The following PNPLA6 variants were observed in gnomAD, a reference collection of about 807,000 sequenced individuals.
PNPLA6 encodes patatin-like phospholipase domain-containing protein 6.
In PNPLA6, 105 loss-of-function variants were observed where a neutral mutation model predicts 153.7. That is an observed-to-expected ratio of 0.68 (90% CI 0.58 to 0.80). PNPLA6 has a LOEUF of 0.80. PNPLA6 is among the 30% of genes least tolerant of loss of function. The pLI is 0.00. For missense variants in PNPLA6, 1,423 were observed against 1,919.3 expected, an observed-to-expected ratio of 0.74 and a Z score of 4.83; for synonymous variants, 825 against 822.2, an observed-to-expected ratio of 1.00 and a Z score of -0.06.
intron 13 of PNPLA6, 128 bp downstream of exon 13, chr19:7,543,212 C>G (rs1051281623): frequency 2.4e-6 from 2 of 850,074 alleles, no homozygotes; most frequent in Non-Finnish European, 2.0e-6. Context: ...CTCTCTCATC[C>G]TATCATTTCC....
In PNPLA6 at chr19:7,555,282, G is replaced by A; in HGVS notation, c.2851G>A (p.Ala951Thr). 6.3e-7 allele frequency: 1 copy of A among 1,595,768 alleles called. No individual in the cohort carries two copies. The highest frequency in any genetic ancestry group is 8.5e-7 in the Non-Finnish European group (1 of 1,171,242). The change falls in exon 23 of 32, where the codon GCG (alanine) becomes ACG (threonine). Residue 951 changes from alanine (A) to threonine (T), a missense_variant. Coordinates refer to ENST00000600737, the MANE Select transcript of PNPLA6 (RefSeq NM_001166114.2). This position sits in a 1 kb window ranked among gnomAD's most constrained non-coding sequence, Gnocchi z 6.3. ...ELYEKVFSRRADRHSDFSRLA... is the reference protein window; with the variant it reads ...ELYEKVFSRRTDRHSDFSRLA... Reference sequence around the variant, plus strand: ...CTACGAGAAGGTTTTCTCCAGGCGCGCGGACCGGCACAGCGACTTCTCCCG... The same window carrying A: ...CTACGAGAAGGTTTTCTCCAGGCGCACGGACCGGCACAGCGACTTCTCCCG...
intron 13 of PNPLA6, among the ~76,000 whole-genome samples, chr19:7,549,075 T>G (rs1277123748): frequency 6.6e-6 from 1 of 151,408 alleles, no homozygotes; most frequent in African/African-American, 2.4e-5. Context: ...AGTGTTGGGA[T>G]TACAGGCATG....
Position 7,550,987 on chromosome 19 carries a change from C to T in PNPLA6, c.2071-7C>T. On this transcript the variant is annotated splice_region_variant and splice_polypyrimidine_tract_variant and intron_variant, in intron 16 of 31. Coordinates refer to ENST00000600737, the MANE Select transcript of PNPLA6 (RefSeq NM_001166114.2). ...AAGCAGCCCCAATCATGCACGCGGC[C>T]CCCCAGGTGGAGGCACTGACCCGGC... The T allele has an allele frequency of 6.5e-7, 1 of 1,535,468 alleles. No individual in the cohort carries two copies. Among genetic ancestry groups the T allele is most frequent in the Non-Finnish European group, 8.8e-7 (1 of 1,138,712 alleles).
At chr19:7,551,563 A>G in intron 18 of PNPLA6, 126 bp downstream of exon 18, 2 of 838,986 alleles carry the variant, frequency 2.4e-6, no homozygotes, top group East Asian at 2.6e-5. Flanking sequence ...CGTGCCCCTG[A>G]GGGTTTCAAA....
chr19:7,541,293 A>C lies in PNPLA6; in HGVS notation c.925-61A>C, dbSNP rs2146054950. On this transcript the variant is annotated intron_variant, in intron 7 of 31. Transcript: ENST00000600737. The surrounding 1 kb of genome is among the most constrained non-coding windows in gnomAD (Gnocchi z 5.2). ...CTTATGCTGCGAACTAGCCCGGCCC[A>C]CCATCTGGCCCTGCCCCTTACCCCG... 6.9e-7 allele frequency: 1 copy of C among 1,448,598 alleles called. No homozygotes were observed. Among genetic ancestry groups the C allele is most frequent in the Non-Finnish European group, 9.6e-7 (1 of 1,038,722 alleles). The allele number at this position is 1,448,598 out of a possible 1,614,324, so 89.7% of individuals were successfully genotyped here.
chr19:7,554,458 G>A, intron 20 of PNPLA6, 97 bp from the exon 21 acceptor site: 6 of 1,425,038 alleles, frequency 4.2e-6, no homozygotes, highest in Non-Finnish European at 5.9e-6. Context: ...GGGGGTTTGG[G>A]TGTCTAAGTT....
chr19:7,541,915 T>C lies in PNPLA6; in HGVS notation c.1169-69T>C. 5 of 1,389,174 alleles carry C rather than the reference T, an allele frequency of 3.6e-6. No individual in the cohort carries two copies. In the South Asian group the frequency reaches 5.8e-5, roughly 16 times the overall value. 86.1% of individuals were successfully genotyped at this position (1,389,174 alleles called of 1,614,324 possible). A position where few individuals can be genotyped will look rare whatever the true frequency, so the allele number is the denominator to read the frequency against. ...TAGTTAATCAGTCGCCAGCATCTCC[T>C]TATCTCCCAACCTGCTAATCCTCCT... is the stretch of plus-strand genomic sequence containing the variant. On this transcript the variant is annotated intron_variant, in intron 9 of 31. Transcript: ENST00000600737. The surrounding 1 kb of genome is among the most constrained non-coding windows in gnomAD (Gnocchi z 5.2).
chr19:7,541,480 T>G lies in PNPLA6; in HGVS notation c.1006-42T>G. 6.2e-7 allele frequency: 1 copy of G among 1,611,236 alleles called. No homozygotes were observed. Among genetic ancestry groups the G allele is most frequent in the Admixed American group, 1.7e-5 (1 of 59,824 alleles). ...GAGCACAGGGGGGATGGGGGCGAGG[T>G]CTCCCTCCCAGGACAGGCCACAAGC... On this transcript the variant is annotated intron_variant, in intron 8 of 31. Transcript: ENST00000600737. The surrounding 1 kb of genome is among the most constrained non-coding windows in gnomAD (Gnocchi z 5.2).
Position 7,542,547 on chromosome 19 carries a change from C to G in PNPLA6, c.1253-14C>G, listed in dbSNP as rs753882799. 1.6e-5 allele frequency: 26 copies of G among 1,601,046 alleles called. No homozygotes were observed. The highest frequency in any genetic ancestry group is 1.3e-4 in the Admixed American group (8 of 59,988). ...CATCTTTATGGTTTTTGTTGCCCCC[C>G]TGCCTGCCTGCAGGCTTGCAGGGTG... On this transcript the variant is annotated splice_polypyrimidine_tract_variant and intron_variant, in intron 10 of 31. Coordinates refer to ENST00000600737, the MANE Select transcript of PNPLA6 (RefSeq NM_001166114.2).
At chr19:7,542,722 G>A (rs1208941159) in intron 11 of PNPLA6, 39 bp from the exon 12 acceptor site, 2 of 1,612,668 alleles carry the variant, frequency 1.2e-6, no homozygotes, top group African/African-American at 2.7e-5. Flanking sequence ...AAGGTGGCTG[G>A]GAGGGAGCAT....
Position 7,558,897 on chromosome 19 carries a change from G to A in PNPLA6, c.3445G>A (p.Val1149Met), listed in dbSNP as rs1231771618. 2.5e-6 allele frequency: 4 copies of A among 1,613,812 alleles called. No homozygotes were observed. Among genetic ancestry groups the A allele is most frequent in the Non-Finnish European group, 3.4e-6 (4 of 1,180,014 alleles). Reference protein sequence around the residue: ...MGAKTVIAIDVGSQDETDLST... With the variant: ...MGAKTVIAIDMGSQDETDLST... The stretch of plus-strand genomic sequence containing the variant: ...TGCCAAAACGGTCATCGCCATTGAC[G>A]TGGGGAGCCAGGATGAGACGGACCT... The change falls in exon 28 of 32, where the codon GTG (valine) becomes ATG (methionine). Residue 1149 changes from valine to methionine, a missense_variant. Val to Met is a conservative substitution (Grantham distance 21, BLOSUM62 1). Transcript: ENST00000600737.
chr19:7,539,323 C>A (rs977765562), intron 3 of PNPLA6, among the ~76,000 whole-genome samples: 1 of 151,396 alleles, frequency 6.6e-6, no homozygotes, highest in African/African-American at 2.4e-5. Flanking sequence ...ACTAAAAATA[C>A]AAAAAATTAG....
At position 7,557,261 on chromosome 19, in the gene PNPLA6, G is replaced by A; in HGVS notation, c.3374G>A (p.Gly1125Asp). The A allele has an allele frequency of 2.5e-6, 4 of 1,612,338 alleles. No homozygotes were observed. Among genetic ancestry groups the A allele is most frequent in the Non-Finnish European group, 3.4e-6 (4 of 1,179,006 alleles). ...AAGGACGGGCACCTACTCATGGATG[G>A]CGGCTACATCAACAATCTGCCAGGC... ...DPKDGHLLMDGGYINNLPADI... is the reference protein window; with the variant it reads ...DPKDGHLLMDDGYINNLPADI... The change falls in exon 27 of 32, where the codon GGC (glycine) becomes GAC (aspartate). Residue 1125 changes from glycine (G) to aspartate (D), a missense_variant. Transcript: ENST00000600737.
chr19:7,536,629 G>A, intron 3 of PNPLA6, 83 bp downstream of exon 3: 1 of 938,810 alleles, frequency 1.1e-6, no homozygotes, highest in Non-Finnish European at 1.7e-6. Flanking sequence ...AAGTGTTGTG[G>A]AAGTCTTCCC....
chr19:7,555,963 C>T lies in PNPLA6; in HGVS notation c.3093+200C>T, dbSNP rs1264371670. Reference sequence around the variant, plus strand: ...ACTTTGGGACCTCCTGTCTACTGACCCTAACCCATAACCCCCAACGAGAGC... The same window carrying T: ...ACTTTGGGACCTCCTGTCTACTGACTCTAACCCATAACCCCCAACGAGAGC... On this transcript the variant is annotated intron_variant, in intron 24 of 31. Transcript: ENST00000600737. This position sits in a 1 kb window ranked among gnomAD's most constrained non-coding sequence, Gnocchi z 6.3. Among the ~76,000 whole-genome samples the T allele has an allele frequency of 6.6e-6, 1 of 151,886 alleles. No individual in the cohort carries two copies. Among genetic ancestry groups the T allele is most frequent in the East Asian group, 1.9e-4 (1 of 5,184 alleles).
rs1391085313 is a variant in PNPLA6, at chr19:7,547,825, T to TAAAA, written c.1609-2082_1609-2081insAAAA. On this transcript the variant is annotated intron_variant, in intron 13 of 31. Transcript: ENST00000600737. ...GCTAATTAAAAATTTTTTTTTTTTT[T>TAAAA]TTTTTTTTTTTTTTTTTTGTAGAGA... 3.1e-4 allele frequency among the ~76,000 whole-genome samples: 38 copies of TAAAA among 122,398 alleles called. 5 individuals carry two copies. The highest frequency in any genetic ancestry group is 6.9e-4 in the African/African-American group (21 of 30,330). 80.3% of individuals were successfully genotyped at this position (122,398 alleles called of 152,430 possible).
chr19:7,555,367 G>A lies in PNPLA6; in HGVS notation c.2936G>A (p.Arg979Lys). The A allele has an allele frequency of 1.3e-6, 2 of 1,537,450 alleles. No homozygotes were observed. The highest frequency in any genetic ancestry group is 8.8e-7 in the Non-Finnish European group (1 of 1,136,694). ...CTTGTGCTAGGCGGGGGCGGGGCCA[G>A]GTGAGGGCGGGGCTTGCTCTCTGGG... The part of the protein sequence containing the change: ...IALVLGGGGA[R>K]GCSHIGVLKA... Residue 979 changes from arginine to lysine, a missense_variant and splice_region_variant, in exon 23 of 32, where the codon AGG becomes AAG. Around this residue, in one of 10 missense-constraint regions of PNPLA6, gnomAD observed 643 missense variants for 835.2 expected, o/e 0.77. Coordinates refer to ENST00000600737, the MANE Select transcript of PNPLA6 (RefSeq NM_001166114.2). This position sits in a 1 kb window ranked among gnomAD's most constrained non-coding sequence, Gnocchi z 6.3.
chr19:7,537,188 T>C (rs1340273336), intron 3 of PNPLA6, among the ~76,000 whole-genome samples: 2 of 152,146 alleles, frequency 1.3e-5, no homozygotes, highest in Admixed American at 6.5e-5. Flanking sequence ...GTAGGTTATT[T>C]CATGAGTCTC....
Position 7,560,893 on chromosome 19 carries a change from C to T in PNPLA6, c.3817-121C>T. 5 of 853,230 alleles carry T rather than the reference C, an allele frequency of 5.9e-6. No individual in the cohort carries two copies. In the South Asian group the frequency reaches 7.1e-5, roughly 12 times the overall value. The allele number at this position is 853,230 out of a possible 1,614,324, so 52.9% of individuals were successfully genotyped here. ...GTTTTGCTGAGCTCTCAGACCTCTG[C>T]TGACTTCAGAGAGTTCCCACCCTAG... On this transcript the variant is annotated intron_variant, in intron 29 of 31. Transcript: ENST00000600737.
Sources: allele counts gnomAD v4.1 joint callset (sites outside exome capture counted in the v4.1 genomes callset), GRCh38; gene constraint gnomAD v4.1.1; regional missense constraint gnomAD v4.1.1; non-coding constraint Gnocchi (gnomAD v3.1); transcripts MANE v1.5; gene names NCBI Gene and HGNC (gene_info 2026-07-23, HGNC 2026-07-21).